MEI4: variants seen among roughly 807,000 people sequenced by gnomAD.
MEI4 encodes the protein meiosis-specific protein MEI4.
MEI4 carries 27 observed loss-of-function variants against 31.4 expected under a neutral mutation model. That is an observed-to-expected ratio of 0.86 (90% CI 0.63 to 1.19). The LOEUF is 1.19. Ranked by LOEUF, MEI4 falls within the 50% of genes most tolerant of loss-of-function variation. The pLI, the probability that MEI4 is intolerant of heterozygous loss-of-function variation, is 0.00. For synonymous variants in MEI4, 122 were observed against 145.4 expected (o/e 0.84, Z 1.16); for missense variants, 329 against 398.9 (o/e 0.82, Z 1.49).
intron 1 of MEI4, among the ~76,000 whole-genome samples, chr6:77,689,690 A>T (rs1769122034): frequency 6.6e-6 from 1 of 152,052 alleles, no homozygotes; most frequent in African/African-American, 2.4e-5. Flanking sequence ...GTGTGATCCA[A>T]CCAATATGGA....
chr6:77,923,320 GC>G lies in MEI4; in HGVS notation c.1133del (p.Ala378AspfsTer3). The G allele has an allele frequency of 8.1e-7, 1 of 1,229,890 alleles. No individual in the cohort carries two copies. Among genetic ancestry groups the G allele is most frequent in the Non-Finnish European group, 1.0e-6 (1 of 986,458 alleles). The allele number at this position is 1,229,890 out of a possible 1,614,324, so 76.2% of individuals were successfully genotyped here. The stretch of plus-strand genomic sequence containing the variant: ...GAGAGTGGGCATTCTTTTGAGCTCA[GC>G]ACAGATAGAAACTCTTAGAAAATAA... ...LWRVGILLSS[A>X]QIETLRK On this transcript the variant is annotated frameshift_variant, in exon 5 of 5. Transcript: ENST00000684080. LOFTEE classifies it high-confidence loss of function.
At chr6:77,868,154 C>T (rs1046555393) in intron 4 of MEI4, among the ~76,000 whole-genome samples, 5 of 151,054 alleles carry the variant, frequency 3.3e-5, no homozygotes, top group Non-Finnish European at 7.4e-5. Flanking sequence ...ACCAACATGA[C>T]ACATGTATAC....
chr6:77,886,904 T>C (rs1381955235), intron 4 of MEI4, among the ~76,000 whole-genome samples: 2 of 152,168 alleles, frequency 1.3e-5, no homozygotes, highest in Non-Finnish European at 2.9e-5. Context: ...TTCTCACAAA[T>C]CTAAGTTTTT....
intron 4 of MEI4, among the ~76,000 whole-genome samples, chr6:77,858,415 G>C (rs1325555825): frequency 6.6e-6 from 1 of 151,988 alleles, no homozygotes; most frequent in Non-Finnish European, 1.5e-5. Flanking sequence ...AAAGGATTAT[G>C]CATTAAATTA....
intron 2 of MEI4, among the ~76,000 whole-genome samples, chr6:77,732,485 T>C (rs1218643388): frequency 6.6e-6 from 1 of 152,132 alleles, no homozygotes; most frequent in Non-Finnish European, 1.5e-5. Flanking sequence ...TCTTGTATCC[T>C]GAGACTTTGC....
At chr6:77,696,482 T>G (rs1766048542) in intron 2 of MEI4, among the ~76,000 whole-genome samples, 2 of 152,130 alleles carry the variant, frequency 1.3e-5, no homozygotes, top group African/African-American at 2.4e-5. Flanking sequence ...GAAGGGTTGT[T>G]GAATTTTGTC....
At chr6:77,703,247 G>A (rs1474089362) in intron 2 of MEI4, among the ~76,000 whole-genome samples, 1 of 152,194 alleles carries the variant, frequency 6.6e-6, no homozygotes. Flanking sequence ...GTAGTTTCTA[G>A]ATATCTGCCA....
At chr6:77,781,090 G>T (rs558812290) in intron 3 of MEI4, among the ~76,000 whole-genome samples, 195 of 152,068 alleles carry the variant, frequency 1.3e-3, no homozygotes, top group South Asian at 6.0e-3. Flanking sequence ...TAGAGACAGG[G>T]TCTTGCTTTG....
At chr6:77,802,999 C>T (rs1325235478) in intron 3 of MEI4, among the ~76,000 whole-genome samples, 5 of 152,056 alleles carry the variant, frequency 3.3e-5, no homozygotes, top group Non-Finnish European at 7.4e-5. Flanking sequence ...TCTGTATTTC[C>T]TGAATTTGAA....
At chr6:77,909,027 C>T (rs1331344785) in intron 4 of MEI4, among the ~76,000 whole-genome samples, 1 of 152,116 alleles carries the variant, frequency 6.6e-6, no homozygotes, top group East Asian at 1.9e-4. Context: ...CAGAACTCTC[C>T]ACCCCAAATC....
At chr6:77,661,018 G>A (rs969990966) in intron 1 of MEI4, among the ~76,000 whole-genome samples, 10 of 152,104 alleles carry the variant, frequency 6.6e-5, no homozygotes, top group South Asian at 2.1e-4. Flanking sequence ...GAAGATAGTC[G>A]CCTAGAGGGC....
intron 2 of MEI4, among the ~76,000 whole-genome samples, chr6:77,734,523 A>G (rs573402433): frequency 1.3e-5 from 2 of 151,952 alleles, no homozygotes; most frequent in Admixed American, 6.5e-5. Flanking sequence ...TTTTGAGCCT[A>G]TTTGTGTCTC....
chr6:77,831,724 C>T (rs529398764), intron 4 of MEI4, among the ~76,000 whole-genome samples: 8 of 151,734 alleles, frequency 5.3e-5, no homozygotes, highest in African/African-American at 1.7e-4. Context: ...CATATTGAGG[C>T]AGAGAGTAAA....
At chr6:77,746,966 C>T (rs1767626417) in intron 2 of MEI4, among the ~76,000 whole-genome samples, 2 of 152,048 alleles carry the variant, frequency 1.3e-5, no homozygotes, top group East Asian at 1.9e-4. Flanking sequence ...AAAAATTACC[C>T]TTTTGACATT....
chr6:77,909,662 T>G (rs1766385840), intron 4 of MEI4, among the ~76,000 whole-genome samples: 1 of 152,174 alleles, frequency 6.6e-6, no homozygotes, highest in African/African-American at 2.4e-5. Context: ...TTTCTGAAAC[T>G]ATTCCAATCA....
Position 77,886,628 on chromosome 6 carries a change from T to G in MEI4, c.901-36461T>G, listed in dbSNP as rs189817393. 2.5e-3 allele frequency among the ~76,000 whole-genome samples: 376 copies of G among 152,268 alleles called. 2 individuals carry two copies. Among genetic ancestry groups the G allele is most frequent in the Non-Finnish European group, 4.1e-3 (280 of 68,008 alleles). On this transcript the variant is annotated intron_variant, in intron 4 of 4. Transcript: ENST00000684080. ...TTGTATTTTTAGTAGAGATGGGGTT[T>G]CAGTATGTTGGCCAGGCTGGTCTTG...
intron 3 of MEI4, among the ~76,000 whole-genome samples, chr6:77,772,942 C>T (rs976462095): frequency 5.9e-5 from 9 of 151,432 alleles, no homozygotes; most frequent in Non-Finnish European, 1.2e-4. Flanking sequence ...AAAGTAATGC[C>T]ATTTACAACA....
At position 77,874,214 on chromosome 6, in the gene MEI4, A is replaced by G. The variant is rs934029240; in HGVS notation, c.900+45152A>G. On this transcript the variant is annotated intron_variant, in intron 4 of 4. Coordinates refer to ENST00000684080, the MANE Select transcript of MEI4 (RefSeq NM_001322247.2). ...CTTGGGCAATATGGCCATTTTCACA[A>G]TATTGATTCTTCCTACCCATGAGCA... Among the ~76,000 whole-genome samples, 4 of 152,164 alleles carry G rather than the reference A, an allele frequency of 2.6e-5. No individual in the cohort carries two copies. The East Asian group carries it at 7.7e-4, about 29-fold the overall frequency.
intron 2 of MEI4, among the ~76,000 whole-genome samples, chr6:77,713,466 G>A (rs1211687853): frequency 6.6e-6 from 1 of 152,156 alleles, no homozygotes; most frequent in Non-Finnish European, 1.5e-5. Flanking sequence ...TTATGTTGTG[G>A]AAAAGGGTAG....
Sources: allele counts gnomAD v4.1 joint callset (sites outside exome capture counted in the v4.1 genomes callset), GRCh38; gene constraint gnomAD v4.1.1; transcripts MANE v1.5; gene names NCBI Gene and HGNC (gene_info 2026-07-23, HGNC 2026-07-21).